Variants in CAV1 observed in about 807,000 individuals in gnomAD.
CAV1 encodes the protein caveolin 1.
Under a neutral mutation model 16.5 loss-of-function variants are expected in CAV1, and 10 were observed. The observed-to-expected ratio is 0.61, with a 90% CI of 0.37 to 1.03. The LOEUF (loss-of-function observed/expected upper bound fraction) is 1.03, where lower values mean the gene tolerates loss of function less well. CAV1 is among the 50% of genes least tolerant of loss of function. The probability of loss-of-function intolerance (pLI) is 0.01; values close to 1 mark genes in which losing one functional copy is unlikely to be tolerated. For missense variants in CAV1, 212 were observed against 232.8 expected, an observed-to-expected ratio of 0.91 and a Z score of 0.58; for synonymous variants, 76 against 85.1, an observed-to-expected ratio of 0.89 and a Z score of 0.59.
At chr7:116,540,258 A>G (rs1378187331) in intron 2 of CAV1, among the ~76,000 whole-genome samples, 2 of 152,150 alleles carry the variant, frequency 1.3e-5, no homozygotes, top group African/African-American at 2.4e-5. Context: ...ATAACAACAC[A>G]TTAATGACTC....
Position 116,559,181 on chromosome 7 carries a change from T to A in CAV1, c.431T>A (p.Ile144Asn). 2 of 1,613,964 alleles carry A rather than the reference T, an allele frequency of 1.2e-6. No homozygotes were observed. The highest frequency in any genetic ancestry group is 1.7e-6 in the Non-Finnish European group (2 of 1,179,880). ...AGCTTCCTGATTGAGATTCAGTGCATCAGCCGTGTCTATTCCATCTACGTC... is the reference window on the plus strand; with the variant it reads ...AGCTTCCTGATTGAGATTCAGTGCAACAGCCGTGTCTATTCCATCTACGTC... ...IKSFLIEIQCISRVYSIYVHT... is the reference protein window; with the variant it reads ...IKSFLIEIQCNSRVYSIYVHT... The change falls in exon 3 of 3, where the codon ATC becomes AAC. Residue 144 changes from isoleucine to asparagine, a missense_variant. Coordinates refer to ENST00000341049, the MANE Select transcript of CAV1 (RefSeq NM_001753.5).
chr7:116,538,972 AC>A, intron 2 of CAV1, among the ~76,000 whole-genome samples: 1 of 152,202 alleles, frequency 6.6e-6, no homozygotes, highest in Non-Finnish European at 1.5e-5. Context: ...ATTATCTCCC[AC>A]AAAATGGGAA....
intron 2 of CAV1, among the ~76,000 whole-genome samples, chr7:116,541,550 A>C (rs559225754): frequency 6.6e-6 from 1 of 152,308 alleles, no homozygotes; most frequent in Admixed American, 6.5e-5. Flanking sequence ...CAGAAGCTTG[A>C]GACCAGCCTG....
intron 2 of CAV1, among the ~76,000 whole-genome samples, chr7:116,529,954 A>C (rs573016927): frequency 3.6e-4 from 55 of 152,122 alleles, no homozygotes; most frequent in African/African-American, 1.3e-3. Context: ...ACTTATTTTG[A>C]TTTTCTAGAT....
chr7:116,532,447 C>A (rs1793705897), intron 2 of CAV1, among the ~76,000 whole-genome samples: 1 of 152,212 alleles, frequency 6.6e-6, no homozygotes, highest in South Asian at 2.1e-4. Context: ...GTTGGACCTT[C>A]CATAATCCCC....
chr7:116,546,415 C>T (rs549356972), intron 2 of CAV1, among the ~76,000 whole-genome samples: 9 of 152,012 alleles, frequency 5.9e-5, no homozygotes, highest in East Asian at 3.9e-4. Context: ...GCAGGCCAGG[C>T]GTGGTGGCTC....
rs138187376 is a variant in CAV1, at chr7:116,550,970, T to G, written c.196-7976T>G. Among the ~76,000 whole-genome samples, 445 of 152,250 alleles carry G rather than the reference T, an allele frequency of 2.9e-3. 1 individual carries two copies. Among genetic ancestry groups the G allele is most frequent in the African/African-American group, 0.01 (426 of 41,540 alleles). ...CAGTGTCCAGATGCCATCCAGCACA[T>G]GAGGAGCTCCCAGAAAGGAGCAGGG... On this transcript the variant is annotated intron_variant, in intron 2 of 2. Transcript: ENST00000341049.
chr7:116,538,738 G>A (rs749785220), intron 2 of CAV1, among the ~76,000 whole-genome samples: 2 of 152,144 alleles, frequency 1.3e-5, no homozygotes, highest in South Asian at 2.1e-4. Context: ...ACATATCCGG[G>A]ATTGGGTGAT....
At chr7:116,536,866 G>A (rs956256150) in intron 2 of CAV1, among the ~76,000 whole-genome samples, 7 of 151,710 alleles carry the variant, frequency 4.6e-5, no homozygotes, top group African/African-American at 9.7e-5. Context: ...AGCCGGGCGC[G>A]GTGGCGGGCG....
At chr7:116,536,508 G>C (rs919181879) in intron 2 of CAV1, among the ~76,000 whole-genome samples, 1 of 152,166 alleles carries the variant, frequency 6.6e-6, no homozygotes, top group East Asian at 1.9e-4. Context: ...TGTTTACCAG[G>C]AACAGGGTCC....
intron 2 of CAV1, among the ~76,000 whole-genome samples, chr7:116,533,203 G>A (rs1300196047): frequency 6.6e-6 from 1 of 151,902 alleles, no homozygotes; most frequent in Non-Finnish European, 1.5e-5. Context: ...AGCTGGGTGT[G>A]GTAGCGCGTG....
At chr7:116,537,002 T>TC (rs1186468881) in intron 2 of CAV1, among the ~76,000 whole-genome samples, 1 of 91,836 alleles carries the variant, frequency 1.1e-5, no homozygotes, top group African/African-American at 4.5e-5. Flanking sequence ...AGAGCGAGAC[T>TC]CCGTCTCAAA....
chr7:116,529,044 G>C (rs926364260), intron 2 of CAV1, among the ~76,000 whole-genome samples: 4 of 152,042 alleles, frequency 2.6e-5, no homozygotes, highest in Non-Finnish European at 4.4e-5. Context: ...TGGCCAGGCT[G>C]GTCTTGAACT....
chr7:116,531,446 T>G (rs922096138), intron 2 of CAV1, among the ~76,000 whole-genome samples: 1 of 152,214 alleles, frequency 6.6e-6, no homozygotes, highest in Non-Finnish European at 1.5e-5. Flanking sequence ...TCAGTTTTGG[T>G]TATAGTACAA....
At chr7:116,555,542 G>GAGAGAGAAAA (rs1478856618) in intron 2 of CAV1, among the ~76,000 whole-genome samples, 1 of 12,124 alleles carries the variant, frequency 8.2e-5, no homozygotes, top group African/African-American at 2.4e-4. Context: ...GAGAGAGAGA[G>GAGAGAGAAAA]AGAAAGAAAG....
At chr7:116,526,219 C>CG in intron 1 of CAV1, 1 of 996,842 alleles carries the variant, frequency 1.0e-6, no homozygotes, top group South Asian at 3.7e-5. Flanking sequence ...CGTGCGCGGG[C>CG]GGGGGCCTTC....
In CAV1 at chr7:116,525,065, GTC is replaced by G. The variant is rs1793525716; in HGVS notation, c.5_6del (p.Ser2TrpfsTer55). M[S>X]GGKYVDSEGH... The stretch of plus-strand genomic sequence containing the variant: ...TTTTCATCCAGCCACGGGCCAGCAT[GTC>G]TGGGGGCAAATACGTAGACTCGGAG... On this transcript the variant is annotated frameshift_variant, in exon 1 of 3. Coordinates refer to ENST00000341049, the MANE Select transcript of CAV1 (RefSeq NM_001753.5). LOFTEE classifies it high-confidence loss of function. 1 of 1,614,128 alleles carries G rather than the reference GTC, an allele frequency of 6.2e-7. No homozygotes were observed. Among genetic ancestry groups the G allele is most frequent in the African/African-American group, 1.3e-5 (1 of 74,944 alleles).
Position 116,534,376 on chromosome 7 carries a change from TATATATATA to T in CAV1, c.195+7688_195+7696del, listed in dbSNP as rs1562829871. Among the ~76,000 whole-genome samples, 2 of 14,776 alleles carry T rather than the reference TATATATATA, an allele frequency of 1.4e-4. 1 individual carries two copies. The highest frequency in any genetic ancestry group is 3.1e-4 in the Non-Finnish European group (2 of 6,384). The allele number at this position is 14,776 out of a possible 152,430, so 9.7% of individuals were successfully genotyped here. A position where few individuals can be genotyped will look rare whatever the true frequency, so the allele number is the denominator to read the frequency against. ...GGCCCACCTCAGATATATATATATATATATATATATATATATATATTTTTTTTTTTTTTT... is the reference window on the plus strand; with the variant it reads ...GGCCCACCTCAGATATATATATATATTATATATATATTTTTTTTTTTTTTT... On this transcript the variant is annotated intron_variant, in intron 2 of 2. Transcript: ENST00000341049.
At chr7:116,528,922 C>T (rs1303586247) in intron 2 of CAV1, among the ~76,000 whole-genome samples, 1 of 152,078 alleles carries the variant, frequency 6.6e-6, no homozygotes, top group Non-Finnish European at 1.5e-5. Context: ...CTCCACCTCC[C>T]AGGTTCAAGC....
Sources: allele counts gnomAD v4.1 joint callset (sites outside exome capture counted in the v4.1 genomes callset), GRCh38; gene constraint gnomAD v4.1.1; transcripts MANE v1.5; gene names NCBI Gene and HGNC (gene_info 2026-07-23, HGNC 2026-07-21).